MAST2: variants seen among roughly 807,000 people sequenced by gnomAD.
The protein encoded by MAST2 is microtubule associated serine/threonine kinase 2.
In MAST2, 70 loss-of-function variants were observed where a neutral mutation model predicts 147.4. The ratio of observed to expected loss-of-function variants is 0.47; its 90% CI spans 0.39 to 0.58. MAST2 has a LOEUF of 0.58. MAST2 is among the 20% of genes least tolerant of loss of function. The pLI, the probability that MAST2 is intolerant of heterozygous loss-of-function variation, is 0.00. For synonymous variants in MAST2, 869 were observed against 896.8 expected (o/e 0.97, Z 0.55); for missense variants, 2,080 against 2,302.3 (o/e 0.90, Z 1.98).
chr1:45,997,929 A>G, intron 6 of MAST2, 130 bp downstream of exon 6: 1 of 795,180 alleles, frequency 1.3e-6, no homozygotes, highest in Non-Finnish European at 2.1e-6. Flanking sequence ...CCATCCATCA[A>G]AACTCTGTCT....
At chr1:45,911,020 G>T (rs6690652) in intron 4 of MAST2, among the ~76,000 whole-genome samples, 51,653 of 151,984 alleles carry the variant, frequency 0.34, 9,177 homozygotes, top group African/African-American at 0.44. Context: ...TTTGTTTTGT[G>T]TGTGTGTGTT....
At chr1:45,984,510 T>C (rs1644537890) in intron 5 of MAST2, among the ~76,000 whole-genome samples, 2 of 151,996 alleles carry the variant, frequency 1.3e-5, no homozygotes, top group South Asian at 4.2e-4. Flanking sequence ...CCCACTGTGT[T>C]GTTGCCCAGG....
At chr1:45,818,111 T>G (rs1644511844) in intron 1 of MAST2, among the ~76,000 whole-genome samples, 3 of 152,202 alleles carry the variant, frequency 2.0e-5, no homozygotes, top group Admixed American at 1.3e-4. Flanking sequence ...GTTCACTTGT[T>G]GAAGCTTGGT....
chr1:45,955,930 AT>A (rs1347397552), intron 4 of MAST2, among the ~76,000 whole-genome samples: 1 of 152,208 alleles, frequency 6.6e-6, no homozygotes, highest in Admixed American at 6.5e-5. Flanking sequence ...TTGGAATATA[AT>A]AGATTGTATG....
chr1:45,849,044 C>A (rs945984479), intron 3 of MAST2, among the ~76,000 whole-genome samples: 5 of 152,110 alleles, frequency 3.3e-5, no homozygotes, highest in African/African-American at 1.2e-4. Flanking sequence ...AAGATTTCTA[C>A]AATGAGAATT....
At chr1:46,003,773 C>G (rs892158380) in intron 7 of MAST2, among the ~76,000 whole-genome samples, 1 of 152,166 alleles carries the variant, frequency 6.6e-6, no homozygotes, top group Non-Finnish European at 1.5e-5. Context: ...AGCCGAGCAA[C>G]TTTTTATTAA....
In MAST2 at chr1:46,030,745, A is replaced by G; in HGVS notation, c.2692A>G (p.Ile898Val). ...CAAAGGCCGAGACCGGAGCTGGGTG[A>G]TTGGCTCCCCTGAGATGTGAGCACC... ...GLKGRDRSWV[I>V]GSPEILRKRL... The change falls in exon 22 of 29, where the codon ATT (isoleucine) becomes GTT (valine). Residue 898 changes from isoleucine to valine, a missense_variant. Physicochemically the swap from Ile to Val is conservative, Grantham distance 29. This residue lies in a region of MAST2 where 1,278 missense variants were observed against 1,304.2 expected (regional missense o/e 0.98). Coordinates refer to ENST00000361297, the MANE Select transcript of MAST2 (RefSeq NM_015112.3). The G allele has an allele frequency of 6.3e-7, 1 of 1,586,890 alleles. No individual in the cohort carries two copies. Among genetic ancestry groups the G allele is most frequent in the African/African-American group, 1.4e-5 (1 of 73,836 alleles).
In MAST2 at chr1:46,028,010, T is replaced by G. The variant is rs1343019138; in HGVS notation, c.2052+147T>G. 14 of 903,226 alleles carry G rather than the reference T, an allele frequency of 1.6e-5. No homozygotes were observed. In the South Asian group the frequency reaches 2.2e-4, roughly 14 times the overall value. 56.0% of individuals were successfully genotyped at this position (903,226 alleles called of 1,614,324 possible). On this transcript the variant is annotated intron_variant, in intron 17 of 28. Coordinates refer to ENST00000361297, the MANE Select transcript of MAST2 (RefSeq NM_015112.3). ...CTGGGCAACATAGTGAGACCCCATC[T>G]CTACATTTGTGTACACATACATAGA...
intron 3 of MAST2, among the ~76,000 whole-genome samples, chr1:45,867,478 GTCTATTTTGT>G (rs1373709596): frequency 6.6e-6 from 1 of 152,148 alleles, no homozygotes; most frequent in African/African-American, 2.4e-5. Context: ...CAAAGACCTT[GTCTATTTTGT>G]TCAAATTACA....
chr1:45,915,938 G>A (rs951875818), intron 4 of MAST2, among the ~76,000 whole-genome samples: 7 of 152,098 alleles, frequency 4.6e-5, no homozygotes, highest in Non-Finnish European at 1.0e-4. Context: ...CTTTGGAAGA[G>A]TGAAAATTCT....
intron 4 of MAST2, among the ~76,000 whole-genome samples, chr1:45,921,181 A>T (rs994793911): frequency 1.3e-5 from 2 of 152,136 alleles, no homozygotes; most frequent in African/African-American, 2.4e-5. Flanking sequence ...TTTTTAGTAG[A>T]GACGGGGTTT....
In MAST2 at chr1:45,949,218, T is replaced by C. The variant is rs1417241803; in HGVS notation, c.501-10168T>C. On this transcript the variant is annotated intron_variant, in intron 4 of 28. Coordinates refer to ENST00000361297, the MANE Select transcript of MAST2 (RefSeq NM_015112.3). The stretch of plus-strand genomic sequence containing the variant: ...AAAGCGATTGCAACAAAAGCAAAAA[T>C]GGACAAGTTTAATTAAACTTAAGAG... 2.6e-5 allele frequency among the ~76,000 whole-genome samples: 4 copies of C among 151,802 alleles called. No homozygotes were observed. In the East Asian group the frequency reaches 5.8e-4, roughly 22 times the overall value.
rs760295256 is a variant in MAST2, at chr1:45,828,082, C to T, written c.326-1357C>T. The stretch of plus-strand genomic sequence containing the variant: ...CTGGGCTCAAGTGATCCTCCTGCTT[C>T]GGCCTCCCAAAATGCTGGGATTACA... On this transcript the variant is annotated intron_variant, in intron 2 of 28. Transcript: ENST00000361297. 3.2e-4 allele frequency among the ~76,000 whole-genome samples: 49 copies of T among 152,202 alleles called. 1 individual carries two copies. The Middle Eastern group carries it at 0.031, about 95-fold the overall frequency.
intron 5 of MAST2, among the ~76,000 whole-genome samples, chr1:45,970,227 A>G (rs984184391): frequency 6.6e-5 from 10 of 152,170 alleles, no homozygotes; most frequent in Non-Finnish European, 1.5e-4. Context: ...TAAAACTTAC[A>G]AAAATTTGGG....
chr1:46,010,667 A>G, intron 9 of MAST2, 63 bp from the exon 10 acceptor site: 1 of 1,478,790 alleles, frequency 6.8e-7, no homozygotes, highest in Non-Finnish European at 9.3e-7. Context: ...CAGGTCCTTC[A>G]GGCTTAGCTC....
At chr1:45,976,588 A>T (rs2149028178) in intron 5 of MAST2, among the ~76,000 whole-genome samples, 1 of 152,362 alleles carries the variant, frequency 6.6e-6, no homozygotes, top group Non-Finnish European at 1.5e-5. Flanking sequence ...GTAAAAAAGC[A>T]GCTTTAACTT....
At chr1:46,024,576 T>C (rs1232484219) in intron 15 of MAST2, among the ~76,000 whole-genome samples, 1 of 152,190 alleles carries the variant, frequency 6.6e-6, no homozygotes, top group Non-Finnish European at 1.5e-5. Flanking sequence ...GTTTACTGGG[T>C]ACATGCTGGG....
At chr1:45,875,854 A>T (rs1269571877) in intron 3 of MAST2, among the ~76,000 whole-genome samples, 1 of 152,130 alleles carries the variant, frequency 6.6e-6, no homozygotes, top group Non-Finnish European at 1.5e-5. Context: ...GTACAACTAT[A>T]GAGGTCAGCA....
chr1:46,026,149 C>T (rs1234676953), intron 16 of MAST2, among the ~76,000 whole-genome samples: 1 of 152,194 alleles, frequency 6.6e-6, no homozygotes, highest in Non-Finnish European at 1.5e-5. Context: ...TCTGTGCCAG[C>T]ACTATATTGT....
Sources: gnomAD v4.1 joint callset for allele counts (sites outside exome capture counted in the v4.1 genomes callset) on GRCh38, gnomAD v4.1.1 for gene constraint, gnomAD v4.1.1 regional missense constraint, MANE v1.5 for transcripts, NCBI Gene and HGNC (gene_info 2026-07-23, HGNC 2026-07-21) for gene names.